MICAL3: variants seen among roughly 807,000 people sequenced by gnomAD.
MICAL3 encodes the protein [F-actin]-monooxygenase MICAL3.
In MICAL3, 62 loss-of-function variants were observed where a neutral mutation model predicts 207.4. The observed-to-expected ratio is 0.30, with a 90% CI of 0.24 to 0.37. The LOEUF is 0.37. Among genes scored for constraint, MICAL3 ranks in the 10% least tolerant of loss-of-function variants. The pLI is 1.00. For synonymous variants in MICAL3, 1,077 were observed against 1,069.3 expected (o/e 1.01, Z -0.14); for missense variants, 2,368 against 2,635.6 (o/e 0.90, Z 2.22).
rs763579872 is a variant in MICAL3, at chr22:17,831,982, T to C, written c.2927A>G (p.Lys976Arg). Reference protein sequence around the residue: ...AVRIHALLKGKSEEELEASKS... With the variant: ...AVRIHALLKGRSEEELEASKS... ...TGAGGCCTCTAGCTCCTCTTCACTT[T>C]TCCCTTTCAGAAGGGCATGGATCCG... The change falls in exon 21 of 32, where the codon AAA (lysine) becomes AGA (arginine). Residue 976 changes from lysine to arginine, a missense_variant. Physicochemically the swap from Lys to Arg is conservative, Grantham distance 26. Transcript: ENST00000441493. The C allele has an allele frequency of 2.5e-6, 4 of 1,602,344 alleles. No homozygotes were observed. Among genetic ancestry groups the C allele is most frequent in the Admixed American group, 1.7e-5 (1 of 58,364 alleles).
chr22:17,808,581 G>C (rs148290258), intron 29 of MICAL3, among the ~76,000 whole-genome samples: 2 of 152,218 alleles, frequency 1.3e-5, no homozygotes, highest in African/African-American at 4.8e-5. Context: ...GCCAGCGCTC[G>C]CCATCAGCAT....
intron 22 of MICAL3, among the ~76,000 whole-genome samples, chr22:17,826,992 C>T (rs1053664499): frequency 6.6e-6 from 1 of 152,232 alleles, no homozygotes; most frequent in Non-Finnish European, 1.5e-5. Context: ...GAAGTGACAG[C>T]AGAGGTGACT....
intron 1 of MICAL3, among the ~76,000 whole-genome samples, chr22:17,919,119 G>C (rs1932726234): frequency 6.9e-6 from 1 of 145,670 alleles, no homozygotes; most frequent in African/African-American, 2.7e-5. Flanking sequence ...CACCCAGCCT[G>C]GAGTGCAGTG....
intron 19 of MICAL3, among the ~76,000 whole-genome samples, chr22:17,856,130 C>T (rs1167932810): frequency 3.3e-5 from 5 of 152,248 alleles, no homozygotes; most frequent in Non-Finnish European, 5.9e-5. Context: ...CCGCTGCTGC[C>T]GCTACTGTGT....
intron 1 of MICAL3, among the ~76,000 whole-genome samples, chr22:17,914,506 AC>A (rs1932352345): frequency 2.0e-5 from 3 of 151,924 alleles, no homozygotes. Flanking sequence ...ATCATGAAAA[AC>A]CACCTGAGAA....
chr22:17,856,647 C>G (rs1294490711), intron 19 of MICAL3, among the ~76,000 whole-genome samples: 2 of 130,626 alleles, frequency 1.5e-5, no homozygotes, highest in Non-Finnish European at 3.1e-5. Flanking sequence ...CGGAGTCTCG[C>G]TCTGTCGCCC....
rs1327837153 is a variant in MICAL3 at position 17,849,687 on chromosome 22, TA to T, written c.2606-7671del. On this transcript the variant is annotated intron_variant, in intron 19 of 31. Transcript: ENST00000441493. The stretch of plus-strand genomic sequence containing the variant: ...GTGTGTGTGTGTGTGTGTGTGTGTG[TA>T]TTTTTTTTTTTTTTTTTTTTTTTTG... Among the ~76,000 whole-genome samples, 362 of 101,436 alleles carry T rather than the reference TA, an allele frequency of 3.6e-3. 1 individual carries two copies. Among genetic ancestry groups the T allele is most frequent in the Non-Finnish European group, 4.3e-3 (215 of 49,738 alleles). The allele number at this position is 101,436 out of a possible 152,430, so 66.5% of individuals were successfully genotyped here.
chr22:17,918,997 CT>C (rs550037580), intron 1 of MICAL3, among the ~76,000 whole-genome samples: 5 of 152,026 alleles, frequency 3.3e-5, no homozygotes, highest in Non-Finnish European at 7.4e-5. Context: ...TCGTTTAAAC[CT>C]GCTCATCCTC....
intron 29 of MICAL3, among the ~76,000 whole-genome samples, chr22:17,807,357 G>A (rs1309427503): frequency 6.6e-6 from 1 of 152,218 alleles, no homozygotes; most frequent in East Asian, 1.9e-4. Context: ...CAGGGGCACC[G>A]CAGGTTCGCT....
At chr22:17,829,728 TG>T (rs1489316055) in intron 21 of MICAL3, among the ~76,000 whole-genome samples, 1 of 152,206 alleles carries the variant, frequency 6.6e-6, no homozygotes, top group Non-Finnish European at 1.5e-5. Context: ...GCACCTGCAC[TG>T]GCGATAGGTT....
At chr22:17,884,351 T>A in intron 16 of MICAL3, 1 of 1,590,564 alleles carries the variant, frequency 6.3e-7, no homozygotes, top group Non-Finnish European at 8.5e-7. Context: ...CCCACGCTCT[T>A]GTGTCAGCTG....
intron 1 of MICAL3, among the ~76,000 whole-genome samples, chr22:17,922,177 T>A (rs768348697): frequency 7.1e-6 from 1 of 140,752 alleles, no homozygotes; most frequent in Non-Finnish European, 1.5e-5. Flanking sequence ...TCAACACTCC[T>A]CACTTGCTCT....
chr22:17,887,316 CACATACCTTGG>C lies in MICAL3; in HGVS notation c.2000_2004+6del. On this transcript the variant is annotated splice_donor_variant and splice_donor_5th_base_variant and coding_sequence_variant and intron_variant, in exon 14 of 32. Transcript: ENST00000441493. LOFTEE classifies it high-confidence loss of function. ...TTTGCAGCCCATCAAGAGACTCCTCCACATACCTTGGGAGAACGCTTCCGAGAGATGGTCTG... is the reference window on the plus strand; with the variant it reads ...TTTGCAGCCCATCAAGAGACTCCTCCGAGAACGCTTCCGAGAGATGGTCTG... 1 of 1,612,718 alleles carries C rather than the reference CACATACCTTGG, an allele frequency of 6.2e-7. No homozygotes were observed. The highest frequency in any genetic ancestry group is 8.5e-7 in the Non-Finnish European group (1 of 1,178,822).
At chr22:17,967,843 G>A (rs11704636) in intron 1 of MICAL3, among the ~76,000 whole-genome samples, 30,335 of 151,202 alleles carry the variant, frequency 0.2, 3,191 homozygotes, top group Middle Eastern at 0.27. Flanking sequence ...TCAGGAGTTC[G>A]AGACCAGCCT....
intron 17 of MICAL3, among the ~76,000 whole-genome samples, chr22:17,868,442 C>T (rs1022533029): frequency 2.0e-5 from 3 of 152,158 alleles, no homozygotes; most frequent in Non-Finnish European, 4.4e-5. Flanking sequence ...GCCATTAGTA[C>T]CCACCTCTTT....
intron 1 of MICAL3, among the ~76,000 whole-genome samples, chr22:18,003,764 A>G (rs1211583109): frequency 6.7e-6 from 1 of 148,780 alleles, no homozygotes; most frequent in African/African-American, 2.5e-5. Context: ...AGTCTGGGAT[A>G]CCCTTTCTTT....
At chr22:17,941,846 G>A (rs1409330120) in intron 1 of MICAL3, among the ~76,000 whole-genome samples, 1 of 152,076 alleles carries the variant, frequency 6.6e-6, no homozygotes, top group African/African-American at 2.4e-5. Context: ...GTGGTCAATC[G>A]CTCCCTCCCA....
chr22:17,965,232 T>C (rs978473258), intron 1 of MICAL3, among the ~76,000 whole-genome samples: 1 of 148,526 alleles, frequency 6.7e-6, no homozygotes, highest in Non-Finnish European at 1.5e-5. Flanking sequence ...TGCCTGAGAA[T>C]GGCTGTGCTT....
At chr22:17,913,564 G>T (rs986740671) in intron 1 of MICAL3, among the ~76,000 whole-genome samples, 1 of 152,030 alleles carries the variant, frequency 6.6e-6, no homozygotes, top group Non-Finnish European at 1.5e-5. Context: ...CTCATGACCA[G>T]CACTCTGCTT....
Sources: gnomAD v4.1 joint callset for allele counts (sites outside exome capture counted in the v4.1 genomes callset) on GRCh38, gnomAD v4.1.1 for gene constraint, MANE v1.5 for transcripts, NCBI Gene and HGNC (gene_info 2026-07-23, HGNC 2026-07-21) for gene names.